CACNB2: variants seen among roughly 807,000 people sequenced by gnomAD.
CACNB2 encodes the protein voltage-dependent L-type calcium channel subunit beta-2.
Under a neutral mutation model 73.3 loss-of-function variants are expected in CACNB2, and 42 were observed. The observed-to-expected ratio is 0.57, with a 90% CI of 0.45 to 0.74. CACNB2 has a LOEUF of 0.74. CACNB2 is among the 30% of genes least tolerant of loss of function. CACNB2 has a pLI of 0.00. For synonymous variants in CACNB2, 348 were observed against 310.3 expected, an observed-to-expected ratio of 1.12 and a Z score of -1.28; for missense variants, 940 against 853.0, an observed-to-expected ratio of 1.10 and a Z score of -1.27.
At chr10:18,363,794 A>T (rs1425082256) in intron 2 of CACNB2, among the ~76,000 whole-genome samples, 3 of 151,826 alleles carry the variant, frequency 2.0e-5, no homozygotes, top group African/African-American at 4.8e-5. Flanking sequence ...TTTTCTTTAA[A>T]TAGTAAGGAT....
intron 2 of CACNB2, chr10:18,261,363 T>C (rs1588876928): frequency 1.3e-6 from 2 of 1,551,476 alleles, no homozygotes; most frequent in East Asian, 2.4e-5. Flanking sequence ...CTGAAAATAC[T>C]ATTCGTGTCT....
chr10:18,266,349 T>C (rs1307540356), intron 2 of CACNB2, among the ~76,000 whole-genome samples: 2 of 152,190 alleles, frequency 1.3e-5, no homozygotes, highest in Non-Finnish European at 2.9e-5. Context: ...TTTGGTCATC[T>C]TGTTTGGAAT....
chr10:18,518,218 T>C, intron 7 of CACNB2, 118 bp from the exon 8 acceptor site: 1 of 783,136 alleles, frequency 1.3e-6, no homozygotes, highest in Non-Finnish European at 2.3e-6. Context: ...GTGGGGAAAA[T>C]AAAATGTCTG....
chr10:18,430,843 G>A (rs1462266502), intron 3 of CACNB2, among the ~76,000 whole-genome samples: 1 of 152,126 alleles, frequency 6.6e-6, no homozygotes, highest in Admixed American at 6.5e-5. Flanking sequence ...TTATTCACAT[G>A]GAAACCATTT....
chr10:18,253,265 T>A (rs1333392448), intron 2 of CACNB2, among the ~76,000 whole-genome samples: 1 of 152,206 alleles, frequency 6.6e-6, no homozygotes, highest in Non-Finnish European at 1.5e-5. Context: ...ACAGTCCATT[T>A]TTTAAATGAA....
intron 3 of CACNB2, among the ~76,000 whole-genome samples, chr10:18,403,715 T>C (rs1347176752): frequency 6.6e-6 from 1 of 152,136 alleles, no homozygotes; most frequent in Non-Finnish European, 1.5e-5. Context: ...GTGTTACTTG[T>C]CCTACAGCCT....
intron 2 of CACNB2, among the ~76,000 whole-genome samples, chr10:18,169,350 A>G (rs975857766): frequency 6.6e-6 from 1 of 152,060 alleles, no homozygotes; most frequent in Admixed American, 6.6e-5. Flanking sequence ...AATATATGCT[A>G]CTCTCATTCT....
chr10:18,349,199 G>A (rs2041602162), intron 2 of CACNB2, among the ~76,000 whole-genome samples: 1 of 152,182 alleles, frequency 6.6e-6, no homozygotes, highest in Non-Finnish European at 1.5e-5. Flanking sequence ...ATTGCAGGAG[G>A]TGTGATAAGA....
In CACNB2 at chr10:18,536,168, C is replaced by T; in HGVS notation, c.1274C>T (p.Ala425Val). ...QAKHLNVQMV[A>V]ADKLAQCPPE... is the part of the protein sequence containing the mutation. ...AAACACCTCAACGTCCAGATGGTAG[C>T]AGCTGATAAACTGGCTCAGTGTCCT... Residue 425 changes from alanine (A) to valine (V), a missense_variant, in exon 12 of 14, where the codon GCA becomes GTA. Ala to Val is a moderately conservative substitution (Grantham distance 64, BLOSUM62 0). Transcript: ENST00000324631. The T allele has an allele frequency of 6.2e-7, 1 of 1,600,422 alleles. No individual in the cohort carries two copies. The highest frequency in any genetic ancestry group is 1.7e-4 in the Middle Eastern group (1 of 5,998).
chr10:18,397,931 A>G (rs1031597007), intron 2 of CACNB2, among the ~76,000 whole-genome samples: 3 of 152,172 alleles, frequency 2.0e-5, no homozygotes, highest in African/African-American at 7.2e-5. Context: ...GCAGGTATTA[A>G]GATGTAGAAA....
intron 2 of CACNB2, among the ~76,000 whole-genome samples, chr10:18,273,837 A>G (rs1172353524): frequency 6.6e-6 from 1 of 152,210 alleles, no homozygotes; most frequent in East Asian, 1.9e-4. Flanking sequence ...CATATTTATA[A>G]AATAGCTAAA....
chr10:18,490,853 A>AG (rs145954725), intron 3 of CACNB2, among the ~76,000 whole-genome samples: 1 of 38,418 alleles, frequency 2.6e-5, no homozygotes, highest in African/African-American at 5.9e-5. Context: ...CCGGTGGGGG[A>AG]GGGGGGAGGG....
chr10:18,460,123 A>T (rs1312597227), intron 3 of CACNB2, among the ~76,000 whole-genome samples: 1 of 152,198 alleles, frequency 6.6e-6, no homozygotes, highest in Non-Finnish European at 1.5e-5. Context: ...CATATTCTCA[A>T]ATGGCAAGTG....
intron 2 of CACNB2, among the ~76,000 whole-genome samples, chr10:18,162,262 G>T (rs1285209607): frequency 2.0e-5 from 3 of 152,020 alleles, no homozygotes; most frequent in Admixed American, 2.0e-4. Flanking sequence ...ACACCTAAAA[G>T]CATGAGAAAT....
chr10:18,314,306 T>C (rs1216647921), intron 2 of CACNB2, among the ~76,000 whole-genome samples: 3 of 152,184 alleles, frequency 2.0e-5, no homozygotes, highest in African/African-American at 7.2e-5. Context: ...AATTAATATT[T>C]TTATTGTTAG....
intron 3 of CACNB2, among the ~76,000 whole-genome samples, chr10:18,407,568 T>C (rs2044365522): frequency 6.6e-6 from 1 of 152,174 alleles, no homozygotes; most frequent in East Asian, 1.9e-4. Flanking sequence ...CATGCATTCA[T>C]TGTGAAGGGC....
In CACNB2 at chr10:18,473,951, C is replaced by A. The variant is rs2048315715; in HGVS notation, c.334-24404C>A. Among the ~76,000 whole-genome samples, 3 of 152,126 alleles carry A rather than the reference C, an allele frequency of 2.0e-5. No individual in the cohort carries two copies. The South Asian group carries it at 6.2e-4, about 31-fold the overall frequency. ...CTCCCCGCCACGCTGCTCTCTGTGA[C>A]CTTGAGTGAGACACAAAATTGCTGG... is the stretch of plus-strand genomic sequence containing the variant. On this transcript the variant is annotated intron_variant, in intron 3 of 13. Transcript: ENST00000324631.
chr10:18,442,998 G>GTATATATA lies in CACNB2; in HGVS notation c.333+40956_333+40957insATATATAT, dbSNP rs1224373508. Among the ~76,000 whole-genome samples, 38 of 9,118 alleles carry GTATATATA rather than the reference G, an allele frequency of 4.2e-3. 2 individuals carry two copies. Among genetic ancestry groups the GTATATATA allele is most frequent in the Admixed American group, 5.7e-3 (5 of 878 alleles). 6.0% of individuals were successfully genotyped at this position (9,118 alleles called of 152,430 possible). A position where few individuals can be genotyped will look rare whatever the true frequency, so the allele number is the denominator to read the frequency against. On this transcript the variant is annotated intron_variant, in intron 3 of 13. Transcript: ENST00000324631. ...TATATATATATATGTATATATATATGTGTATATATATATATGTATATATAT... is the reference window on the plus strand; with the variant it reads ...TATATATATATATGTATATATATATGTATATATATGTATATATATATATGTATATATAT...
At chr10:18,308,225 C>G (rs2039820119) in intron 2 of CACNB2, among the ~76,000 whole-genome samples, 1 of 152,000 alleles carries the variant, frequency 6.6e-6, no homozygotes, top group Admixed American at 6.6e-5. Context: ...AACTCCTGGC[C>G]TGAAGTGATC....
Sources: gnomAD v4.1 joint callset for allele counts (sites outside exome capture counted in the v4.1 genomes callset) on GRCh38, gnomAD v4.1.1 for gene constraint, MANE v1.5 for transcripts, NCBI Gene and HGNC (gene_info 2026-07-23, HGNC 2026-07-21) for gene names.